MORN1: variants seen among roughly 807,000 people sequenced by gnomAD.
MORN1 encodes the protein MORN repeat-containing protein 1.
In MORN1, 67 loss-of-function variants were observed where a neutral mutation model predicts 61.9. The ratio of observed to expected loss-of-function variants is 1.08; its 90% confidence interval spans 0.89 to 1.33. MORN1 has a LOEUF of 1.33. Ranked by LOEUF, MORN1 falls within the 40% of genes most tolerant of loss-of-function variation. The probability of loss-of-function intolerance (pLI) is 0.00; values close to 1 mark genes in which losing one functional copy is unlikely to be tolerated. For missense variants in MORN1, 752 were observed against 691.2 expected (o/e 1.09, Z -0.99); for synonymous variants, 301 against 292.0 (o/e 1.03, Z -0.31).
chr1:2,330,262 C>T (rs1641120678), intron 12 of MORN1, among the ~76,000 whole-genome samples: 2 of 152,242 alleles, frequency 1.3e-5, no homozygotes, highest in Admixed American at 1.3e-4. Flanking sequence ...CCTGTTCAGA[C>T]CCAGCCAACC....
At chr1:2,324,075 G>A (rs1357789496) in intron 13 of MORN1, 22 bp downstream of exon 13, 1 of 1,588,604 alleles carries the variant, frequency 6.3e-7, no homozygotes, top group Non-Finnish European at 8.6e-7. Context: ...GCCGGCGATG[G>A]ACTTGGGCCC....
At chr1:2,379,484 A>T (rs1642323331) in intron 6 of MORN1, among the ~76,000 whole-genome samples, 1 of 152,166 alleles carries the variant, frequency 6.6e-6, no homozygotes. Flanking sequence ...AGAAGTCAAA[A>T]GGCCAAACTC....
Position 2,387,422 on chromosome 1 carries a change from C to T in MORN1, c.355G>A (p.Glu119Lys). 1 of 1,612,540 alleles carries T rather than the reference C, an allele frequency of 6.2e-7. No homozygotes were observed. The highest frequency in any genetic ancestry group is 8.5e-7 in the Non-Finnish European group (1 of 1,179,390). The change falls in exon 4 of 14, where the codon GAA (glutamate) becomes AAA (lysine). Residue 119 changes from glutamate (E) to lysine (K), a missense_variant. Transcript: ENST00000378531. ...YEGEVSHGMREGHGFLVDRDG... is the reference protein window; with the variant it reads ...YEGEVSHGMRKGHGFLVDRDG... ...CCGGCTCCTGTGGGCGCCAGACCTT[C>T]CCGCATGCCGTGGGAGACCTCCCCT...
chr1:2,345,829 C>CACACACACACA (rs1641501048), intron 10 of MORN1, among the ~76,000 whole-genome samples: 6 of 148,988 alleles, frequency 4.0e-5, no homozygotes, highest in East Asian at 2.0e-4. Flanking sequence ...ATGTATGCGG[C>CACACACACACA]CACACACACA....
At chr1:2,356,726 C>T (rs1206194087) in intron 10 of MORN1, among the ~76,000 whole-genome samples, 1 of 152,172 alleles carries the variant, frequency 6.6e-6, no homozygotes, top group Non-Finnish European at 1.5e-5. Context: ...CACTGTGCTG[C>T]GCGGGAGGGT....
chr1:2,390,340 A>G, intron 1 of MORN1: 1 of 865,994 alleles, frequency 1.2e-6, no homozygotes, highest in East Asian at 1.2e-4. Flanking sequence ...GCAGGAGATG[A>G]GTGAGCCAGG....
At chr1:2,358,092 C>A (rs1221065385) in intron 9 of MORN1, among the ~76,000 whole-genome samples, 2 of 152,198 alleles carry the variant, frequency 1.3e-5, no homozygotes, top group African/African-American at 4.8e-5. Context: ...TGGAGTCCTG[C>A]AGCTCAGGCC....
chr1:2,337,054 G>T lies in MORN1; in HGVS notation c.1037-204C>A, dbSNP rs1641295960. Among the ~76,000 whole-genome samples, 1 of 152,106 alleles carries T rather than the reference G, an allele frequency of 6.6e-6. No homozygotes were observed. Among genetic ancestry groups the T allele is most frequent in the Non-Finnish European group, 1.5e-5 (1 of 67,982 alleles). On this transcript the variant is annotated intron_variant, in intron 10 of 13. Coordinates refer to ENST00000378531, the MANE Select transcript of MORN1 (RefSeq NM_024848.3). The surrounding 1 kb of genome is among the most constrained non-coding windows in gnomAD (Gnocchi z 5.7). ...CCGGCCGCCGACAGGGGAGGTGGGG[G>T]TCCTCCGTGTCCACGGCCTCTGACG...
At chr1:2,364,948 G>A (rs1391338072) in intron 8 of MORN1, among the ~76,000 whole-genome samples, 1 of 152,192 alleles carries the variant, frequency 6.6e-6, no homozygotes, top group Admixed American at 6.5e-5. Flanking sequence ...GTACCATGCT[G>A]TTTTGGTTAC....
intron 10 of MORN1, among the ~76,000 whole-genome samples, chr1:2,348,638 C>T (rs1209003282): frequency 1.3e-5 from 2 of 151,892 alleles, no homozygotes; most frequent in African/African-American, 4.8e-5. Flanking sequence ...CACACACGCA[C>T]CTGCGCAGGC....
At chr1:2,380,988 C>G (rs187418208) in intron 6 of MORN1, among the ~76,000 whole-genome samples, 1 of 152,218 alleles carries the variant, frequency 6.6e-6, no homozygotes, top group African/African-American at 2.4e-5. Context: ...CTCTCCGGGT[C>G]GATGCCGTTT....
chr1:2,388,497 T>C (rs1004880002), intron 2 of MORN1, 160 bp from the exon 3 acceptor site: 5 of 583,574 alleles, frequency 8.6e-6, no homozygotes, highest in South Asian at 2.2e-5. Flanking sequence ...AATAAAAAAA[T>C]GTTCTCAAAA....
rs1447064899 is a variant in MORN1 at position 2,324,147 on chromosome 1, T to G, written c.1251-4A>C. The G allele has an allele frequency of 8.8e-6, 14 of 1,596,460 alleles. No homozygotes were observed. The highest frequency in any genetic ancestry group is 1.1e-5 in the Non-Finnish European group (13 of 1,172,870). On this transcript the variant is annotated splice_region_variant and splice_polypyrimidine_tract_variant and intron_variant, in intron 12 of 13. Coordinates refer to ENST00000378531, the MANE Select transcript of MORN1 (RefSeq NM_024848.3). ...CTCCGTGGCTCTCCCCTCAGGCCTG[T>G]GGAGACGACACAGTGAGGCCCCTGA...
Position 2,321,464 on chromosome 1 carries a change from A to T in MORN1, c.1413T>A (p.His471Gln). 1 of 1,538,254 alleles carries T rather than the reference A, an allele frequency of 6.5e-7. No homozygotes were observed. The highest frequency in any genetic ancestry group is 8.8e-7 in the Non-Finnish European group (1 of 1,141,124). Residue 471 changes from histidine to glutamine, a missense_variant, in exon 14 of 14, where the codon CAT (histidine) becomes CAA (glutamine). Transcript: ENST00000378531. Reference protein sequence around the residue: ...VVAKRAGQPPHVLEEGPEASS... With the variant: ...VVAKRAGQPPQVLEEGPEASS... Reference sequence around the variant, plus strand: ...AGGCTTCAGGGCCTTCTTCCAGGACATGGGGTGGCTGGCCAGCCCTCTTCG... The same window carrying T: ...AGGCTTCAGGGCCTTCTTCCAGGACTTGGGGTGGCTGGCCAGCCCTCTTCG...
chr1:2,352,024 C>G, intron 10 of MORN1: 1 of 543,846 alleles, frequency 1.8e-6, no homozygotes, highest in Admixed American at 2.4e-5. Context: ...ATTAGAGGTC[C>G]ACCTCCCCTA....
chr1:2,324,524 G>A (rs184425243), intron 12 of MORN1, among the ~76,000 whole-genome samples: 24 of 152,212 alleles, frequency 1.6e-4, no homozygotes, highest in Non-Finnish European at 1.5e-4. Flanking sequence ...GAGAGACGGC[G>A]AGGCTGGAGC....
chr1:2,369,186 C>T (rs977557282), intron 8 of MORN1, among the ~76,000 whole-genome samples: 3 of 143,902 alleles, frequency 2.1e-5, no homozygotes, highest in African/African-American at 5.8e-5. Flanking sequence ...CCTGTCTGTA[C>T]TAAAAAAATA....
intron 12 of MORN1, among the ~76,000 whole-genome samples, chr1:2,324,888 C>T (rs1319428186): frequency 6.6e-6 from 1 of 151,886 alleles, no homozygotes; most frequent in Non-Finnish European, 1.5e-5. Context: ...CATGGCCAGG[C>T]AGGATCTGGG....
chr1:2,328,786 C>A (rs1037721878), intron 12 of MORN1, among the ~76,000 whole-genome samples: 1 of 152,176 alleles, frequency 6.6e-6, no homozygotes, highest in Non-Finnish European at 1.5e-5. Context: ...CAGCTCCTCT[C>A]CCGGGGAGCA....
Sources: allele counts gnomAD v4.1 joint callset (sites outside exome capture counted in the v4.1 genomes callset), GRCh38; gene constraint gnomAD v4.1.1; non-coding constraint Gnocchi (gnomAD v3.1); transcripts MANE v1.5; gene names NCBI Gene and HGNC (gene_info 2026-07-23, HGNC 2026-07-21).